PPM1H: variants seen among roughly 807,000 people sequenced by gnomAD.
PPM1H encodes the protein protein phosphatase, Mg2+/Mn2+ dependent 1H.
PPM1H carries 27 observed loss-of-function variants against 54.9 expected under a neutral mutation model. The observed-to-expected ratio is 0.49, with a 90% CI of 0.36 to 0.68. The LOEUF is 0.68. Among genes scored for constraint, PPM1H ranks in the 30% least tolerant of loss-of-function variants. PPM1H has a pLI of 0.00. For missense variants in PPM1H, 596 were observed against 667.8 expected (o/e 0.89, Z 1.19); for synonymous variants, 305 against 270.8 (o/e 1.13, Z -1.24).
Position 62,645,842 on chromosome 12 carries a change from T to TA in PPM1H, c.*2646dup, listed in dbSNP as rs1455754167. 5 of 152,180 alleles carry TA rather than the reference T, an allele frequency of 3.3e-5. No homozygotes were observed. Among genetic ancestry groups the TA allele is most frequent in the Non-Finnish European group, 7.3e-5 (5 of 68,040 alleles). 9.4% of individuals were successfully genotyped at this position (152,180 alleles called of 1,614,324 possible). A position where few individuals can be genotyped will look rare whatever the true frequency, so the allele number is the denominator to read the frequency against. On this transcript the variant is annotated 3_prime_UTR_variant, in exon 10 of 10. Transcript: ENST00000228705. ...GCAAGATTTCTGAACCATGTATAAA[T>TA]ACGTTCTGCAGAATTTCGAAGTGTG...
At chr12:62,923,296 C>T (rs1871860523) in intron 1 of PPM1H, among the ~76,000 whole-genome samples, 1 of 152,160 alleles carries the variant, frequency 6.6e-6, no homozygotes, top group South Asian at 2.1e-4. Flanking sequence ...AATGATAAAG[C>T]AAATCTAACA....
At chr12:62,741,699 T>C (rs1357313209) in intron 4 of PPM1H, among the ~76,000 whole-genome samples, 1 of 152,178 alleles carries the variant, frequency 6.6e-6, no homozygotes, top group East Asian at 1.9e-4. Context: ...CTGGCTTCCA[T>C]GGCTGTCTTG....
In PPM1H at chr12:62,838,920, CAAAAAAAAAAAAAAAAA is replaced by C. The variant is rs71278269; in HGVS notation, c.246-6658_246-6642del. On this transcript the variant is annotated intron_variant, in intron 1 of 9. Coordinates refer to ENST00000228705, the MANE Select transcript of PPM1H (RefSeq NM_020700.2). ...TGGGCGACAGAGCGAGACTCCGTCT[CAAAAAAAAAAAAAAAAA>C]AAAAAAAAAAAAAAGAATAATAGCT... 4.2e-4 allele frequency among the ~76,000 whole-genome samples: 14 copies of C among 33,306 alleles called. 1 individual carries two copies. In the South Asian group the frequency reaches 8.9e-3, roughly 21 times the overall value. The allele number at this position is 33,306 out of a possible 152,430, so 21.9% of individuals were successfully genotyped here.
At chr12:62,905,772 T>C (rs1268527) in intron 1 of PPM1H, among the ~76,000 whole-genome samples, 50,609 of 151,912 alleles carry the variant, frequency 0.33, 10,086 homozygotes, top group Non-Finnish European at 0.46. Context: ...CTAAGAGGTG[T>C]ATTAACCACA....
intron 6 of PPM1H, among the ~76,000 whole-genome samples, chr12:62,700,424 C>T (rs2076137842): frequency 6.6e-6 from 1 of 152,158 alleles, no homozygotes; most frequent in South Asian, 2.1e-4. Flanking sequence ...ATCCTGTCTC[C>T]ACCTGTGGCA....
chr12:62,747,578 A>G (rs1282868906), intron 4 of PPM1H, among the ~76,000 whole-genome samples: 1 of 152,218 alleles, frequency 6.6e-6, no homozygotes. Context: ...TGGAGAATCA[A>G]GTAGGGCAAA....
At chr12:62,698,224 G>A (rs953258145) in intron 6 of PPM1H, among the ~76,000 whole-genome samples, 4 of 151,940 alleles carry the variant, frequency 2.6e-5, no homozygotes, top group Non-Finnish European at 4.4e-5. Flanking sequence ...CCTAACCTTG[G>A]TTCCTGGCCT....
intron 4 of PPM1H, among the ~76,000 whole-genome samples, chr12:62,738,247 T>C (rs1270398715): frequency 6.6e-6 from 1 of 152,252 alleles, no homozygotes; most frequent in East Asian, 1.9e-4. Flanking sequence ...ACCCTGAGAT[T>C]ACTGCATCAA....
rs894849138 is a variant in PPM1H, at chr12:62,844,916, C to G, written c.246-12637G>C. Among the ~76,000 whole-genome samples the G allele has an allele frequency of 6.6e-6, 1 of 152,172 alleles. No homozygotes were observed. Among genetic ancestry groups the G allele is most frequent in the South Asian group, 2.1e-4 (1 of 4,830 alleles). On this transcript the variant is annotated intron_variant, in intron 1 of 9. Coordinates refer to ENST00000228705, the MANE Select transcript of PPM1H (RefSeq NM_020700.2). This position sits in a 1 kb window ranked among gnomAD's most constrained non-coding sequence, Gnocchi z 5.2. Reference sequence around the variant, plus strand: ...AGAAAAAAATTAATTATAAGCACTTCTACTAGGAAATGAGCTTGGGAGTAG... The same window carrying G: ...AGAAAAAAATTAATTATAAGCACTTGTACTAGGAAATGAGCTTGGGAGTAG...
intron 8 of PPM1H, among the ~76,000 whole-genome samples, chr12:62,678,984 G>A (rs1375756326): frequency 6.6e-6 from 1 of 151,926 alleles, no homozygotes; most frequent in East Asian, 1.9e-4. Context: ...ACCACACCCA[G>A]CCCGTATACT....
chr12:62,692,409 A>C (rs976981495), intron 7 of PPM1H, among the ~76,000 whole-genome samples: 2 of 152,234 alleles, frequency 1.3e-5, no homozygotes, highest in Non-Finnish European at 2.9e-5. Context: ...TCTTACTGCT[A>C]TAAACTTCCA....
chr12:62,781,276 T>C (rs959826540), intron 4 of PPM1H, among the ~76,000 whole-genome samples: 4 of 152,232 alleles, frequency 2.6e-5, no homozygotes, highest in Admixed American at 6.5e-5. Flanking sequence ...AGTTCTAGGA[T>C]GTCAGGCTGG....
intron 9 of PPM1H, among the ~76,000 whole-genome samples, chr12:62,664,471 T>C (rs538873568): frequency 1.8e-4 from 27 of 152,310 alleles, no homozygotes; most frequent in Admixed American, 1.5e-3. Flanking sequence ...ATTTTAACAG[T>C]TTTCTTAGCT....
At chr12:62,694,325 A>C (rs2076101613) in intron 6 of PPM1H, among the ~76,000 whole-genome samples, 1 of 152,224 alleles carries the variant, frequency 6.6e-6, no homozygotes, top group South Asian at 2.1e-4. Context: ...TCACGAATCC[A>C]AAACTGTGAG....
chr12:62,669,994 T>TTTTTTTTTTTTG (rs2075946806), intron 8 of PPM1H, among the ~76,000 whole-genome samples: 1 of 145,418 alleles, frequency 6.9e-6, no homozygotes, highest in African/African-American at 2.6e-5. Context: ...TTTTTTTTTT[T>TTTTTTTTTTTTG]GAGACGGAGT....
intron 1 of PPM1H, among the ~76,000 whole-genome samples, chr12:62,869,754 TCA>T (rs1869914679): frequency 6.6e-6 from 1 of 152,208 alleles, no homozygotes; most frequent in African/African-American, 2.4e-5. Context: ...CCTGCCTCCA[TCA>T]CAGCCTCAAG....
chr12:62,734,533 C>T (rs546291602), intron 5 of PPM1H, among the ~76,000 whole-genome samples: 57 of 152,302 alleles, frequency 3.7e-4, no homozygotes, highest in Admixed American at 1.1e-3. Flanking sequence ...CCACATGCAT[C>T]TTATTTCAAC....
At chr12:62,671,493 G>A (rs762824135) in intron 8 of PPM1H, among the ~76,000 whole-genome samples, 4 of 152,154 alleles carry the variant, frequency 2.6e-5, no homozygotes, top group Non-Finnish European at 2.9e-5. Context: ...GTGCCAACTC[G>A]TTTTCCAGGC....
chr12:62,915,337 G>C (rs983235317), intron 1 of PPM1H, among the ~76,000 whole-genome samples: 1 of 152,204 alleles, frequency 6.6e-6, no homozygotes, highest in Non-Finnish European at 1.5e-5. Flanking sequence ...CCTCACGCGC[G>C]ACCTTCAGGA....
Sources: allele counts gnomAD v4.1 joint callset (sites outside exome capture counted in the v4.1 genomes callset), GRCh38; gene constraint gnomAD v4.1.1; non-coding constraint Gnocchi (gnomAD v3.1); transcripts MANE v1.5; gene names NCBI Gene and HGNC (gene_info 2026-07-23, HGNC 2026-07-21).